Variants in PCDHGA7 observed in about 807,000 individuals in gnomAD.
The protein encoded by PCDHGA7 is protocadherin gamma subfamily A, 7, also known as protocadherin gamma-A7.
A neutral mutation model predicts 58.3 loss-of-function variants in PCDHGA7; 44 were observed. The ratio of observed to expected loss-of-function variants is 0.75; its 90% confidence interval spans 0.59 to 0.97. The LOEUF is 0.97. Ranked by LOEUF, PCDHGA7 falls within the 50% of genes least tolerant of loss-of-function variation. PCDHGA7 has a pLI of 0.00. For missense variants in PCDHGA7, 1,266 were observed against 1,188.7 expected (o/e 1.06, Z -0.96); for synonymous variants, 516 against 504.2 (o/e 1.02, Z -0.31).
intron 1 of PCDHGA7, chr5:141,422,056 G>A: frequency 8.7e-6 from 14 of 1,611,934 alleles, no homozygotes; most frequent in Non-Finnish European, 1.2e-5. Flanking sequence ...AATCAACGGG[G>A]AAGTAATGTA....
At position 141,421,727 on chromosome 5, in the gene PCDHGA7, C is replaced by T. The variant is rs779718690; in HGVS notation, c.2424+36404C>T. The T allele has an allele frequency of 4.3e-6, 7 of 1,613,798 alleles. No individual in the cohort carries two copies. In the African/African-American group the frequency reaches 9.3e-5, roughly 22 times the overall value. ...AGGGATCCAGATGTGGGCGTGAACT[C>T]CCTCCAGAGCTACCAGCTCAGCCCT... On this transcript the variant is annotated intron_variant, in intron 1 of 3. Coordinates refer to ENST00000518325, the MANE Select transcript of PCDHGA7 (RefSeq NM_018920.4).
chr5:141,429,913 T>C (rs1013990672), intron 1 of PCDHGA7, among the ~76,000 whole-genome samples: 29 of 152,238 alleles, frequency 1.9e-4, no homozygotes, highest in African/African-American at 7.0e-4. Context: ...TGAAATATAA[T>C]GTATTAATAG....
chr5:141,490,945 C>T lies in PCDHGA7; in HGVS notation c.2425-3862C>T, dbSNP rs2099706308. On this transcript the variant is annotated intron_variant, in intron 1 of 3. Transcript: ENST00000518325. This position sits in a 1 kb window ranked among gnomAD's most constrained non-coding sequence, Gnocchi z 5.4. ...TGCCCCAGCTGTGCTGCACCCACGG[C>T]CAGACTGGGAACACTCAGCCCCCCA... The T allele has an allele frequency of 6.2e-7, 1 of 1,613,434 alleles. No homozygotes were observed. Among genetic ancestry groups the T allele is most frequent in the South Asian group, 1.1e-5 (1 of 91,010 alleles).
chr5:141,503,825 CA>C (rs2154593417), intron 2 of PCDHGA7, among the ~76,000 whole-genome samples: 1 of 152,186 alleles, frequency 6.6e-6, no homozygotes, highest in Non-Finnish European at 1.5e-5. Flanking sequence ...TGGGCAAAAC[CA>C]AAAGCAGGGA....
rs768364409 is a variant in PCDHGA7 at position 141,383,056 on chromosome 5, G to A, written c.157G>A (p.Gly53Arg). The stretch of plus-strand genomic sequence containing the variant: ...TGTGGGAGACATCGCCAAGGACCTG[G>A]GGCTGGAGCCCCGGGAGCTGGCGGA... ...SFVGDIAKDLGLEPRELAERG... is the reference protein window; with the variant it reads ...SFVGDIAKDLRLEPRELAERG... The change falls in exon 1 of 4, where the codon GGG becomes AGG. Residue 53 changes from glycine to arginine, a missense_variant. Physicochemically the swap from Gly to Arg is moderately radical, Grantham distance 125. Transcript: ENST00000518325. 4.3e-6 allele frequency: 7 copies of A among 1,613,906 alleles called. No homozygotes were observed. Among genetic ancestry groups the A allele is most frequent in the Non-Finnish European group, 5.9e-6 (7 of 1,179,914 alleles).
At position 141,493,235 on chromosome 5, in the gene PCDHGA7, T is replaced by G. The variant is rs541360337; in HGVS notation, c.2425-1572T>G. Among the ~76,000 whole-genome samples the G allele has an allele frequency of 6.6e-6, 1 of 152,352 alleles. No homozygotes were observed. The highest frequency in any genetic ancestry group is 1.5e-5 in the Non-Finnish European group (1 of 68,036). On this transcript the variant is annotated intron_variant, in intron 1 of 3. Transcript: ENST00000518325. This position sits in a 1 kb window ranked among gnomAD's most constrained non-coding sequence, Gnocchi z 4.3. ...TGCTCTTCCCACCATTGCTGTTGGC[T>G]AGGTACTAACATGCCTCTCTTATAA...
At position 141,485,222 on chromosome 5, in the gene PCDHGA7, C is replaced by T; in HGVS notation, c.2425-9585C>T. On this transcript the variant is annotated intron_variant, in intron 1 of 3. Transcript: ENST00000518325. The surrounding 1 kb of genome is among the most constrained non-coding windows in gnomAD (Gnocchi z 5.7). The stretch of plus-strand genomic sequence containing the variant: ...GACAGAAATCTGGCGGTGGGCTACC[C>T]TTTTGTTCCTCTTTTACCACCTGGG... 4 of 1,614,196 alleles carry T rather than the reference C, an allele frequency of 2.5e-6. No homozygotes were observed. Among genetic ancestry groups the T allele is most frequent in the Non-Finnish European group, 2.5e-6 (3 of 1,180,020 alleles).
At chr5:141,419,797 A>G (rs371201079) in intron 1 of PCDHGA7, 14 of 1,613,920 alleles carry the variant, frequency 8.7e-6, no homozygotes, top group Non-Finnish European at 1.1e-5. Flanking sequence ...TAGTCGCTGT[A>G]AGAGATGGAG....
chr5:141,404,533 T>A, intron 1 of PCDHGA7: 2 of 1,613,926 alleles, frequency 1.2e-6, no homozygotes. Flanking sequence ...AGTTTAGAGA[T>A]TTGCAAATGC....
intron 1 of PCDHGA7, chr5:141,409,530 C>G: frequency 6.2e-7 from 1 of 1,613,994 alleles, no homozygotes. Flanking sequence ...TTGTATGTCG[C>G]TGACATCAAC....
intron 1 of PCDHGA7, chr5:141,418,140 A>C (rs1487263767): frequency 6.2e-7 from 1 of 1,613,986 alleles, no homozygotes; most frequent in African/African-American, 1.3e-5. Context: ...GACCGTGAGC[A>C]AATATGCAAA....
chr5:141,418,058 C>A (rs2096216434), intron 1 of PCDHGA7: 1 of 1,613,872 alleles, frequency 6.2e-7, no homozygotes, highest in Non-Finnish European at 8.5e-7. Flanking sequence ...TCGCGAGCTG[C>A]GAGTGAGCGC....
intron 1 of PCDHGA7, among the ~76,000 whole-genome samples, chr5:141,444,162 T>A: frequency 8.4e-6 from 1 of 119,238 alleles, no homozygotes. Flanking sequence ...ATTTTTTTTT[T>A]TTTTTTTTTT....
intron 1 of PCDHGA7, among the ~76,000 whole-genome samples, chr5:141,481,039 C>T (rs748434260): frequency 4.6e-5 from 7 of 152,048 alleles, no homozygotes; most frequent in Non-Finnish European, 8.8e-5. Flanking sequence ...GCCTGGGCGA[C>T]AGAGCGAGAC....
chr5:141,430,485 G>T (rs926788879), intron 1 of PCDHGA7: 2 of 252,972 alleles, frequency 7.9e-6, no homozygotes, highest in Non-Finnish European at 7.4e-6. Flanking sequence ...ATATAAAAAC[G>T]AAATATCCTT....
At chr5:141,398,009 C>A (rs1589315775) in intron 1 of PCDHGA7, 6 of 1,400,558 alleles carry the variant, frequency 4.3e-6, no homozygotes, top group East Asian at 5.1e-5. Flanking sequence ...GAAAAAGAAT[C>A]GTTTCCTAAA....
At chr5:141,425,429 A>G in intron 1 of PCDHGA7, among the ~76,000 whole-genome samples, 1 of 152,254 alleles carries the variant, frequency 6.6e-6, no homozygotes, top group East Asian at 1.9e-4. Flanking sequence ...CCCATTAAAT[A>G]GAGGATAAAA....
chr5:141,407,338 A>G (rs1016766073), intron 1 of PCDHGA7, among the ~76,000 whole-genome samples: 33 of 152,208 alleles, frequency 2.2e-4, no homozygotes, highest in Non-Finnish European at 1.8e-4. Context: ...ATTGAAATGT[A>G]TGTTAATTTG....
In PCDHGA7 at chr5:141,405,080, A is replaced by T. The variant is rs1382053021; in HGVS notation, c.2424+19757A>T. 2.5e-6 allele frequency: 4 copies of T among 1,613,560 alleles called. No individual in the cohort carries two copies. In the East Asian group the frequency reaches 6.7e-5, roughly 27 times the overall value. On this transcript the variant is annotated intron_variant, in intron 1 of 3. Coordinates refer to ENST00000518325, the MANE Select transcript of PCDHGA7 (RefSeq NM_018920.4). ...CTGTGTCTTCCTCACCTTCGTTATC[A>T]CGCTGCTGGCCCTCAGGCTGAGGCA...
Sources: allele counts gnomAD v4.1 joint callset (sites outside exome capture counted in the v4.1 genomes callset), GRCh38; gene constraint gnomAD v4.1.1; non-coding constraint Gnocchi (gnomAD v3.1); transcripts MANE v1.5; gene names NCBI Gene and HGNC (gene_info 2026-07-23, HGNC 2026-07-21).